LRRC8E: variants seen among roughly 807,000 people sequenced by gnomAD.
The protein encoded by LRRC8E is volume-regulated anion channel subunit LRRC8E.
Under a neutral mutation model 6.1 loss-of-function variants are expected in LRRC8E, and 6 were observed. That is an observed-to-expected ratio of 0.98 (90% CI 0.54 to 1.93). The LOEUF is 1.93. LRRC8E is among the 30% of genes most tolerant of loss of function. LRRC8E has a pLI of 0.01. For synonymous variants in LRRC8E, 485 were observed against 472.8 expected, an observed-to-expected ratio of 1.03 and a Z score of -0.33; for missense variants, 1,028 against 1,031.4, an observed-to-expected ratio of 1.00 and a Z score of 0.04.
At chr19:7,896,934 G>T (rs1013688853) in intron 2 of LRRC8E, among the ~76,000 whole-genome samples, 1 of 152,106 alleles carries the variant, frequency 6.6e-6, no homozygotes, top group African/African-American at 2.4e-5. Flanking sequence ...CTAGAATCTG[G>T]AAAGGACTGC....
intron 1 of LRRC8E, among the ~76,000 whole-genome samples, chr19:7,893,121 C>T (rs1402811845): frequency 6.6e-6 from 1 of 152,210 alleles, no homozygotes; most frequent in African/African-American, 2.4e-5. Context: ...ATCCTCCTGC[C>T]TCAGCCTCCC....
chr19:7,897,757 C>T (rs1049475369), intron 2 of LRRC8E, among the ~76,000 whole-genome samples: 1 of 151,980 alleles, frequency 6.6e-6, no homozygotes, highest in African/African-American at 2.4e-5. Flanking sequence ...ATACTGGGCC[C>T]ACCCTACTGG....
chr19:7,890,062 A>G (rs1473981250), intron 1 of LRRC8E, among the ~76,000 whole-genome samples: 1 of 151,932 alleles, frequency 6.6e-6, no homozygotes, highest in Admixed American at 6.6e-5. Flanking sequence ...ATGTCTAAAA[A>G]AAAAAAAAGG....
In LRRC8E at chr19:7,889,614, G is replaced by A. The variant is rs8103650; in HGVS notation, c.-6+1014G>A. Among the ~76,000 whole-genome samples the A allele has an allele frequency of 9.7e-3, 1,471 of 151,838 alleles. 19 individuals are homozygous for A. Among genetic ancestry groups the A allele is most frequent in the African/African-American group, 0.033 (1,362 of 41,420 alleles). ...AAAAGTTGGCTGGGCATGGTAGCACGCACCTGTGGTCCCAGCTACTGGGGA... is the reference window on the plus strand; with the variant it reads ...AAAAGTTGGCTGGGCATGGTAGCACACACCTGTGGTCCCAGCTACTGGGGA... On this transcript the variant is annotated intron_variant, in intron 1 of 2. Coordinates refer to ENST00000306708, the MANE Select transcript of LRRC8E (RefSeq NM_025061.6).
rs201947918 is a variant in LRRC8E at position 7,899,082 on chromosome 19, T to C, written c.560T>C (p.Ile187Thr). The C allele has an allele frequency of 4.3e-6, 7 of 1,612,734 alleles. No homozygotes were observed. The highest frequency in any genetic ancestry group is 2.2e-5 in the East Asian group (1 of 44,854). Residue 187 changes from isoleucine (I) to threonine (T), a missense_variant, in exon 3 of 3, where the codon ATA (isoleucine) becomes ACA (threonine). Transcript: ENST00000306708. ...PAATERAAATIVAMAGTGPGK... is the reference protein window; with the variant it reads ...PAATERAAATTVAMAGTGPGK... ...GCCACCGAACGGGCTGCGGCCACCA[T>C]AGTGGCCATGGCAGGGACCGGGCCG...
At position 7,898,883 on chromosome 19, in the gene LRRC8E, C is replaced by A. The variant is rs906882071; in HGVS notation, c.361C>A (p.Leu121Ile). The A allele has an allele frequency of 1.2e-6, 2 of 1,614,236 alleles. No homozygotes were observed. The highest frequency in any genetic ancestry group is 1.7e-6 in the Non-Finnish European group (2 of 1,180,036). ...LHWYAKYFPY[L>I]VVIHTLIFMV... ...CTGGTATGCCAAGTACTTCCCTTAC[C>A]TCGTGGTCATTCACACACTCATCTT... The change falls in exon 3 of 3, where the codon CTC becomes ATC. Residue 121 changes from leucine to isoleucine, a missense_variant. Transcript: ENST00000306708.
At chr19:7,897,484 GTT>G (rs541032744) in intron 2 of LRRC8E, among the ~76,000 whole-genome samples, 8 of 124,602 alleles carry the variant, frequency 6.4e-5, no homozygotes, top group Admixed American at 8.6e-5. Context: ...GGTCGAGACA[GTT>G]TTTTTTTTTT....
rs773465167 is a variant in LRRC8E at position 7,900,921 on chromosome 19, G to T, written c.*8G>T. 3 of 1,515,654 alleles carry T rather than the reference G, an allele frequency of 2.0e-6. No individual in the cohort carries two copies. The highest frequency in any genetic ancestry group is 2.6e-6 in the Non-Finnish European group (3 of 1,134,690). 93.9% of individuals were successfully genotyped at this position (1,515,654 alleles called of 1,614,324 possible). On this transcript the variant is annotated 3_prime_UTR_variant, in exon 3 of 3. Transcript: ENST00000306708. The surrounding 1 kb of genome is among the most constrained non-coding windows in gnomAD (Gnocchi z 5.0). ...AAGATGGAGGAGGAATGAAGCTGGG[G>T]TGGGGCCGTTTTAGGTAGAGCCTTA...
At chr19:7,892,107 C>T (rs1981347006) in intron 1 of LRRC8E, among the ~76,000 whole-genome samples, 1 of 150,822 alleles carries the variant, frequency 6.6e-6, no homozygotes, top group Admixed American at 6.6e-5. Context: ...GAGTCTCGCT[C>T]TGTCGCCCAG....
rs746758673 is a variant in LRRC8E, at chr19:7,899,949, TCTC to T, written c.1430_1432del (p.Ser477del). On this transcript the variant is annotated inframe_deletion, in exon 3 of 3. Coordinates refer to ENST00000306708, the MANE Select transcript of LRRC8E (RefSeq NM_025061.6). ...CTCCACTCGCCCGCCAGGCTACCCT[TCTC>T]CTTGCAGGTCTTCCTGCGGGACCAC... 5.9e-5 allele frequency: 95 copies of T among 1,609,158 alleles called. No homozygotes were observed. The highest frequency in any genetic ancestry group is 7.3e-5 in the Non-Finnish European group (86 of 1,179,914).
At chr19:7,897,772 GTCT>G (rs1343967763) in intron 2 of LRRC8E, among the ~76,000 whole-genome samples, 1 of 151,918 alleles carries the variant, frequency 6.6e-6, no homozygotes, top group Non-Finnish European at 1.5e-5. Flanking sequence ...TACTGGCTTT[GTCT>G]TGACTACCTC....
In LRRC8E at chr19:7,901,833, A is replaced by T. The variant is rs1190564541; in HGVS notation, c.*920A>T. 6.6e-6 allele frequency: 1 copy of T among 152,154 alleles called. No individual in the cohort carries two copies. Among genetic ancestry groups the T allele is most frequent in the African/African-American group, 2.4e-5 (1 of 41,400 alleles). The allele number at this position is 152,154 out of a possible 1,614,324, so 9.4% of individuals were successfully genotyped here. On this transcript the variant is annotated 3_prime_UTR_variant, in exon 3 of 3. Coordinates refer to ENST00000306708, the MANE Select transcript of LRRC8E (RefSeq NM_025061.6). ...TTCCTCAGGAAAATGCTGGTGTACAAATACACACAAAGCTCTTCAGGCAGC... is the reference window on the plus strand; with the variant it reads ...TTCCTCAGGAAAATGCTGGTGTACATATACACACAAAGCTCTTCAGGCAGC...
In LRRC8E at chr19:7,900,067, G is replaced by A. The variant is rs375694931; in HGVS notation, c.1545G>A (p.Glu515=). The change falls in exon 3 of 3, where the codon GAG becomes GAA. Residue 515 remains glutamate, a synonymous_variant. Transcript: ENST00000306708. This position sits in a 1 kb window ranked among gnomAD's most constrained non-coding sequence, Gnocchi z 5.0. The stretch of plus-strand genomic sequence containing the variant: ...GGGGCTTGGAGGAGCTGCACCTGGA[G>A]GGGCTTTTCCCCCAGGAGCTAGCTC... ...GLRGLEELHL[E]GLFPQELARA... The A allele has an allele frequency of 1.8e-4, 296 of 1,611,698 alleles. No individual in the cohort carries two copies. The highest frequency in any genetic ancestry group is 2.4e-4 in the Non-Finnish European group (282 of 1,179,736).
Sources: allele counts gnomAD v4.1 joint callset (sites outside exome capture counted in the v4.1 genomes callset), GRCh38; gene constraint gnomAD v4.1.1; non-coding constraint Gnocchi (gnomAD v3.1); transcripts MANE v1.5; gene names NCBI Gene and HGNC (gene_info 2026-07-23, HGNC 2026-07-21).